The following INPP4B variants were observed in gnomAD, a reference collection of about 807,000 sequenced individuals.
INPP4B encodes inositol polyphosphate-4-phosphatase type II B, also known as inositol polyphosphate 4-phosphatase type II.
Under a neutral mutation model 122.5 loss-of-function variants are expected in INPP4B, and 55 were observed. The ratio of observed to expected loss-of-function variants is 0.45; its 90% CI spans 0.36 to 0.56. The LOEUF (loss-of-function observed/expected upper bound fraction) is 0.56, where lower values mean the gene tolerates loss of function less well. Ranked by LOEUF, INPP4B falls within the 20% of genes least tolerant of loss-of-function variation. The pLI is 0.00. For missense variants in INPP4B, 1,000 were observed against 1,097.7 expected, an observed-to-expected ratio of 0.91 and a Z score of 1.26; for synonymous variants, 403 against 388.7, an observed-to-expected ratio of 1.04 and a Z score of -0.43.
chr4:142,623,453 T>A (rs1248718722), intron 2 of INPP4B, among the ~76,000 whole-genome samples: 1 of 151,916 alleles, frequency 6.6e-6, no homozygotes, highest in Non-Finnish European at 1.5e-5. Context: ...CTGTCCTTCA[T>A]ATTTTTCCAC....
chr4:142,391,187 A>T lies in INPP4B; in HGVS notation c.372+11751T>A, dbSNP rs1797549690. Among the ~76,000 whole-genome samples, 3 of 152,358 alleles carry T rather than the reference A, an allele frequency of 2.0e-5. No individual in the cohort carries two copies. In the South Asian group the frequency reaches 6.2e-4, roughly 32 times the overall value. The stretch of plus-strand genomic sequence containing the variant: ...CCATGGTCTAAGCCAAATTACCTAT[A>T]ATAACCCATCAGTTACCAGTGCTAG... On this transcript the variant is annotated intron_variant, in intron 7 of 25. Coordinates refer to ENST00000262992, the MANE Select transcript of INPP4B (RefSeq NM_001101669.3).
chr4:142,067,876 G>A (rs574174953), intron 25 of INPP4B, among the ~76,000 whole-genome samples: 16 of 152,318 alleles, frequency 1.1e-4, no homozygotes, highest in African/African-American at 3.8e-4. Flanking sequence ...GAAAGTGACA[G>A]GGAGAATGGA....
At chr4:142,801,820 G>A (rs1052608364) in intron 1 of INPP4B, among the ~76,000 whole-genome samples, 1 of 152,164 alleles carries the variant, frequency 6.6e-6, no homozygotes, top group Non-Finnish European at 1.5e-5. Flanking sequence ...TCCAAGAGAA[G>A]GAGCAGGATA....
intron 1 of INPP4B, among the ~76,000 whole-genome samples, chr4:142,780,015 G>A (rs1274982329): frequency 5.3e-5 from 8 of 152,000 alleles, no homozygotes; most frequent in Middle Eastern, 3.2e-3. Context: ...TGTCCAAATC[G>A]CAGTGCACTT....
chr4:142,278,633 C>T (rs1273431982), intron 9 of INPP4B, among the ~76,000 whole-genome samples: 1 of 151,706 alleles, frequency 6.6e-6, no homozygotes, highest in Non-Finnish European at 1.5e-5. Context: ...ATTCTCATGG[C>T]CCCAGGAAGA....
intron 25 of INPP4B, among the ~76,000 whole-genome samples, chr4:142,031,169 A>G (rs1407989077): frequency 6.6e-6 from 1 of 151,880 alleles, no homozygotes; most frequent in African/African-American, 2.4e-5. Flanking sequence ...TAAAATAATT[A>G]TGCTCTAGTT....
intron 8 of INPP4B, 167 bp from the exon 9 acceptor site, chr4:142,305,704 T>G (rs531888273): frequency 1.4e-6 from 2 of 1,445,050 alleles, no homozygotes; most frequent in African/African-American, 1.4e-5. Context: ...ATCTACCTCA[T>G]GGGGTAGGAT....
chr4:142,585,243 T>C (rs1184341083), intron 2 of INPP4B, among the ~76,000 whole-genome samples: 2 of 152,200 alleles, frequency 1.3e-5, no homozygotes, highest in Non-Finnish European at 2.9e-5. Context: ...TCAAGAATGA[T>C]GTTAGAAAAC....
At chr4:142,556,765 G>C (rs1197372044) in intron 2 of INPP4B, among the ~76,000 whole-genome samples, 1 of 152,164 alleles carries the variant, frequency 6.6e-6, no homozygotes, top group Non-Finnish European at 1.5e-5. Context: ...GAGTCAGAAA[G>C]ACAAGGTTAG....
At chr4:142,815,399 A>C (rs1779997509) in intron 1 of INPP4B, among the ~76,000 whole-genome samples, 1 of 152,178 alleles carries the variant, frequency 6.6e-6, no homozygotes, top group Non-Finnish European at 1.5e-5. Flanking sequence ...TTAATAGGAG[A>C]AATCAGATGT....
chr4:142,131,956 C>CAAA (rs1368996219), intron 18 of INPP4B, among the ~76,000 whole-genome samples: 4 of 104,698 alleles, frequency 3.8e-5, no homozygotes, highest in African/African-American at 1.4e-4. Context: ...ACTTTGTTTC[C>CAAA]AAAAAAAAAA....
At chr4:142,248,445 C>A (rs1217722218) in intron 11 of INPP4B, among the ~76,000 whole-genome samples, 1 of 147,520 alleles carries the variant, frequency 6.8e-6, no homozygotes, top group Non-Finnish European at 1.5e-5. Context: ...TCAAGTGATT[C>A]TCCTGCCTCA....
intron 1 of INPP4B, among the ~76,000 whole-genome samples, chr4:142,776,203 T>C (rs1459794046): frequency 1.3e-5 from 2 of 152,176 alleles, no homozygotes; most frequent in Non-Finnish European, 2.9e-5. Context: ...TAAGGTCTAC[T>C]ACCCACTCAC....
intron 7 of INPP4B, among the ~76,000 whole-genome samples, chr4:142,398,902 T>C (rs1800643319): frequency 6.6e-6 from 1 of 152,162 alleles, no homozygotes; most frequent in South Asian, 2.1e-4. Flanking sequence ...AAGCAAAGAA[T>C]TTAACAAGCT....
At chr4:142,046,373 T>C (rs1751445087) in intron 25 of INPP4B, among the ~76,000 whole-genome samples, 1 of 152,130 alleles carries the variant, frequency 6.6e-6, no homozygotes, top group African/African-American at 2.4e-5. Context: ...AAGTAAGTGC[T>C]GGCCCAGAGG....
At chr4:142,821,795 G>A (rs1310141930) in intron 1 of INPP4B, among the ~76,000 whole-genome samples, 4 of 152,144 alleles carry the variant, frequency 2.6e-5, no homozygotes, top group Admixed American at 1.3e-4. Flanking sequence ...TAGTCTGACC[G>A]TTATGCTAGT....
intron 3 of INPP4B, among the ~76,000 whole-genome samples, chr4:142,442,935 G>A: frequency 6.6e-6 from 1 of 152,188 alleles, no homozygotes; most frequent in Non-Finnish European, 1.5e-5. Context: ...GCAGGCAAGG[G>A]AGAGCTTGTG....
intron 14 of INPP4B, among the ~76,000 whole-genome samples, chr4:142,200,323 A>T (rs1271655508): frequency 6.6e-6 from 1 of 151,904 alleles, no homozygotes; most frequent in Admixed American, 6.6e-5. Flanking sequence ...ATGCTCCAGA[A>T]TCATCTTGTA....
chr4:142,444,480 T>C (rs2149463929), intron 3 of INPP4B, among the ~76,000 whole-genome samples: 1 of 152,210 alleles, frequency 6.6e-6, no homozygotes, highest in South Asian at 2.1e-4. Context: ...CCAGCTAGAA[T>C]GTTGATCATT....
Sources: allele counts gnomAD v4.1 joint callset (sites outside exome capture counted in the v4.1 genomes callset), GRCh38; gene constraint gnomAD v4.1.1; transcripts MANE v1.5; gene names NCBI Gene and HGNC (gene_info 2026-07-23, HGNC 2026-07-21).